The following SCHIP1 variants were observed in gnomAD, a reference collection of about 807,000 sequenced individuals.
SCHIP1 encodes the protein schwannomin-interacting protein 1.
A neutral mutation model predicts 29.7 loss-of-function variants in SCHIP1; 8 were observed. The observed-to-expected ratio is 0.27, with a 90% confidence interval of 0.16 to 0.49. The LOEUF (loss-of-function observed/expected upper bound fraction) is 0.49. Ranked by LOEUF, SCHIP1 falls within the 20% of genes least tolerant of loss-of-function variation. The probability of loss-of-function intolerance (pLI) is 0.99; values close to 1 mark genes in which losing one functional copy is unlikely to be tolerated. For missense variants in SCHIP1, 193 were observed against 294.6 expected, an observed-to-expected ratio of 0.66 and a Z score of 2.52; for synonymous variants, 76 against 94.9, an observed-to-expected ratio of 0.80 and a Z score of 1.16.
chr3:159,517,489 A>T, the SCHIP1 span, among the ~76,000 whole-genome samples: 1 of 152,202 alleles, frequency 6.6e-6, no homozygotes, highest in Non-Finnish European at 1.5e-5. Flanking sequence ...AAATTTTGTG[A>T]TAAAGCATTT....
At chr3:159,398,523 A>G in the SCHIP1 span, among the ~76,000 whole-genome samples, 5 of 152,210 alleles carry the variant, frequency 3.3e-5, no homozygotes, top group Non-Finnish European at 7.3e-5. Context: ...TAACTATGGC[A>G]GTAGCATGTT....
chr3:159,715,801 A>T, the SCHIP1 span, among the ~76,000 whole-genome samples: 2 of 152,184 alleles, frequency 1.3e-5, no homozygotes, highest in African/African-American at 4.8e-5. Context: ...TGATGGGGAG[A>T]ATGGAACCAA....
At chr3:159,489,390 C>T in the SCHIP1 span, among the ~76,000 whole-genome samples, 3 of 152,182 alleles carry the variant, frequency 2.0e-5, no homozygotes. Flanking sequence ...TCATTACATA[C>T]ACACACTATC....
At chr3:159,689,530 C>A in the SCHIP1 span, among the ~76,000 whole-genome samples, 1 of 152,202 alleles carries the variant, frequency 6.6e-6, no homozygotes, top group African/African-American at 2.4e-5. Context: ...AAAATACAAT[C>A]ATGTCATCTG....
the SCHIP1 span, among the ~76,000 whole-genome samples, chr3:159,333,514 TACAC>T: frequency 1.3e-5 from 2 of 151,218 alleles, no homozygotes; most frequent in African/African-American, 4.9e-5. Flanking sequence ...TACACAAACA[TACAC>T]ACACACACAC....
chr3:159,712,089 C>T, the SCHIP1 span, among the ~76,000 whole-genome samples: 1 of 152,132 alleles, frequency 6.6e-6, no homozygotes, highest in Non-Finnish European at 1.5e-5. Flanking sequence ...GGCAGGAACG[C>T]TGCTACAAAA....
the SCHIP1 span, among the ~76,000 whole-genome samples, chr3:159,655,803 C>T: frequency 6.6e-6 from 1 of 152,118 alleles, no homozygotes; most frequent in Admixed American, 6.5e-5. Flanking sequence ...GCAGGAGAAT[C>T]CCTTGAACCC....
the SCHIP1 span, among the ~76,000 whole-genome samples, chr3:159,333,924 CTA>C: frequency 1.3e-5 from 2 of 151,972 alleles, no homozygotes; most frequent in African/African-American, 4.8e-5. Flanking sequence ...ATATTTAATT[CTA>C]AGTTCTAAGA....
At chr3:159,649,732 C>A in the SCHIP1 span, among the ~76,000 whole-genome samples, 1 of 152,076 alleles carries the variant, frequency 6.6e-6, no homozygotes, top group Admixed American at 6.6e-5. Context: ...GGAGAGATTT[C>A]CATTGGGTTG....
the SCHIP1 span, among the ~76,000 whole-genome samples, chr3:159,492,657 A>G: frequency 6.6e-6 from 1 of 152,244 alleles, no homozygotes; most frequent in Non-Finnish European, 1.5e-5. Flanking sequence ...GGAGAATGGA[A>G]CCAAGTTGGA....
chr3:159,704,912 C>CTTTA, the SCHIP1 span, among the ~76,000 whole-genome samples: 1 of 83,332 alleles, frequency 1.2e-5, no homozygotes, highest in South Asian at 3.5e-4. Context: ...TTCTTTATTT[C>CTTTA]TTTCTTTCTT....
chr3:159,656,126 G>A, the SCHIP1 span, among the ~76,000 whole-genome samples: 2 of 152,112 alleles, frequency 1.3e-5, no homozygotes, highest in African/African-American at 4.8e-5. Context: ...GGACAGATCT[G>A]GTAAGAAGAA....
the SCHIP1 span, among the ~76,000 whole-genome samples, chr3:159,455,012 CT>C: frequency 6.6e-6 from 1 of 152,226 alleles, no homozygotes; most frequent in South Asian, 2.1e-4. Context: ...GAGCAAGATA[CT>C]TTGTTAAGGA....
the SCHIP1 span, among the ~76,000 whole-genome samples, chr3:159,740,070 A>T: frequency 1.3e-5 from 2 of 152,340 alleles, no homozygotes; most frequent in South Asian, 4.1e-4. Flanking sequence ...CTCTCCTCAT[A>T]GCCAACTCTT....
the SCHIP1 span, among the ~76,000 whole-genome samples, chr3:159,824,936 A>G: frequency 2.0e-4 from 31 of 152,244 alleles, no homozygotes; most frequent in Middle Eastern, 3.4e-3. Context: ...AAACCCCCAT[A>G]GTAGACAGGC....
chr3:159,425,932 C>T, the SCHIP1 span, among the ~76,000 whole-genome samples: 1 of 152,214 alleles, frequency 6.6e-6, no homozygotes, highest in Non-Finnish European at 1.5e-5. Flanking sequence ...TAACCTGCTC[C>T]TGAATGACTA....
chr3:159,360,415 G>GTGTC, the SCHIP1 span, among the ~76,000 whole-genome samples: 1 of 152,142 alleles, frequency 6.6e-6, no homozygotes, highest in African/African-American at 2.4e-5. Flanking sequence ...GAATTTCCTT[G>GTGTC]TGTCTATCCT....
At chr3:159,493,328 C>T in the SCHIP1 span, among the ~76,000 whole-genome samples, 7 of 152,132 alleles carry the variant, frequency 4.6e-5, no homozygotes, top group African/African-American at 7.2e-5. Flanking sequence ...AGAGTCAAGA[C>T]CCATCAGTGT....
the SCHIP1 span, among the ~76,000 whole-genome samples, chr3:159,433,938 G>A: frequency 2.0e-5 from 3 of 152,262 alleles, no homozygotes; most frequent in African/African-American, 2.4e-5. Flanking sequence ...TCCACTGCCT[G>A]CCTCCATGCT....
Sources: allele counts gnomAD v4.1 joint callset (sites outside exome capture counted in the v4.1 genomes callset), GRCh38; gene constraint gnomAD v4.1.1; transcripts MANE v1.5; gene names NCBI Gene and HGNC (gene_info 2026-07-23, HGNC 2026-07-21).